Variants in CHN1 observed in about 807,000 individuals in gnomAD.
CHN1 encodes N-chimaerin.
Under a neutral mutation model 59.5 loss-of-function variants are expected in CHN1, and 37 were observed. That is an observed-to-expected ratio of 0.62 (90% CI 0.48 to 0.82). CHN1 has a LOEUF of 0.82. CHN1 is among the 40% of genes least tolerant of loss of function. The pLI is 0.00. For synonymous variants in CHN1, 206 were observed against 200.4 expected (o/e 1.03, Z -0.24); for missense variants, 469 against 571.0 (o/e 0.82, Z 1.82).
intron 8 of CHN1, among the ~76,000 whole-genome samples, chr2:174,821,561 G>A (rs1427483853): frequency 1.3e-5 from 2 of 152,164 alleles, no homozygotes; most frequent in South Asian, 2.1e-4. Context: ...TTATGAGGGC[G>A]CCTCCCCTGT....
chr2:174,885,017 G>A (rs1174827696), intron 5 of CHN1, among the ~76,000 whole-genome samples: 2 of 152,020 alleles, frequency 1.3e-5, no homozygotes, highest in African/African-American at 4.8e-5. Context: ...GCCGGGCGCG[G>A]TGGCTCATGC....
intron 1 of CHN1, among the ~76,000 whole-genome samples, chr2:174,993,315 CT>C (rs1691608381): frequency 7.2e-6 from 1 of 138,250 alleles, no homozygotes; most frequent in African/African-American, 2.8e-5. Context: ...TCTCTCTCCC[CT>C]ATCACAATAG....
At chr2:174,917,227 G>A (rs777918215) in intron 4 of CHN1, among the ~76,000 whole-genome samples, 108 of 152,296 alleles carry the variant, frequency 7.1e-4, no homozygotes, top group Non-Finnish European at 1.3e-3. Context: ...GAGGTCAAGA[G>A]TTCAAGACCA....
chr2:174,889,904 C>T (rs1022608627), intron 5 of CHN1, among the ~76,000 whole-genome samples: 9 of 150,630 alleles, frequency 6.0e-5, no homozygotes, highest in Middle Eastern at 3.4e-3. Flanking sequence ...TGTGTGTGCA[C>T]GCGTGTGTGT....
intron 10 of CHN1, among the ~76,000 whole-genome samples, chr2:174,809,387 A>T (rs1020406592): frequency 1.3e-5 from 2 of 152,192 alleles, no homozygotes; most frequent in Non-Finnish European, 2.9e-5. Context: ...GTTAACCATC[A>T]TATCTAAAGT....
At chr2:174,841,766 A>G (rs958208859) in intron 7 of CHN1, among the ~76,000 whole-genome samples, 2 of 151,992 alleles carry the variant, frequency 1.3e-5, no homozygotes, top group African/African-American at 4.8e-5. Flanking sequence ...TATGTTGGAC[A>G]CTCCTTGTTC....
chr2:174,953,687 C>CA (rs1244982674), intron 1 of CHN1, among the ~76,000 whole-genome samples: 4 of 151,772 alleles, frequency 2.6e-5, no homozygotes, highest in African/African-American at 4.8e-5. Flanking sequence ...AAAAAACAAA[C>CA]AAAAAACAAA....
At position 174,808,904 on chromosome 2, in the gene CHN1, C is replaced by G. The variant is rs1363650414; in HGVS notation, c.1102+1G>C. On this transcript the variant is annotated splice_donor_variant, in intron 11 of 12. Coordinates refer to ENST00000409900, the MANE Select transcript of CHN1 (RefSeq NM_001822.7). LOFTEE classifies it high-confidence loss of function. ...TTTGAAATACATGCATTCATACTTA[C>G]TGGCAGATTCTATAAACTTAGGGTA... 6.2e-7 allele frequency: 1 copy of G among 1,613,604 alleles called. No homozygotes were observed. The highest frequency in any genetic ancestry group is 1.7e-5 in the Admixed American group (1 of 60,012).
At chr2:174,896,582 CATG>C (rs563898110) in intron 5 of CHN1, among the ~76,000 whole-genome samples, 17 of 152,226 alleles carry the variant, frequency 1.1e-4, no homozygotes, top group African/African-American at 4.1e-4. Flanking sequence ...TGCTGAAAAT[CATG>C]ATGTCAGTCC....
At chr2:174,956,771 CAA>C (rs34248216) in intron 1 of CHN1, among the ~76,000 whole-genome samples, 92 of 104,568 alleles carry the variant, frequency 8.8e-4, no homozygotes, top group Admixed American at 9.9e-4. Context: ...GACTCCATCT[CAA>C]AAAAAAAAAA....
intron 5 of CHN1, among the ~76,000 whole-genome samples, chr2:174,896,887 T>C (rs1385178570): frequency 6.6e-6 from 1 of 152,154 alleles, no homozygotes; most frequent in African/African-American, 2.4e-5. Context: ...ATAATATACA[T>C]CTATTATCTA....
chr2:174,966,249 T>G (rs545625989), intron 1 of CHN1, among the ~76,000 whole-genome samples: 2 of 152,260 alleles, frequency 1.3e-5, no homozygotes, highest in African/African-American at 4.8e-5. Context: ...GATTCAACTC[T>G]GATGGAAATA....
At chr2:174,946,981 G>A (rs1029873843) in intron 2 of CHN1, among the ~76,000 whole-genome samples, 16 of 148,068 alleles carry the variant, frequency 1.1e-4, no homozygotes, top group African/African-American at 3.2e-4. Context: ...TTTAGTTCAC[G>A]TTTCTACTTT....
chr2:174,854,399 A>C (rs1558953665), intron 6 of CHN1, among the ~76,000 whole-genome samples: 1 of 152,112 alleles, frequency 6.6e-6, no homozygotes, highest in Non-Finnish European at 1.5e-5. Flanking sequence ...CTTGAATAGG[A>C]ACACATTCAC....
chr2:174,902,387 T>C (rs1025816755), intron 5 of CHN1, among the ~76,000 whole-genome samples: 3 of 152,128 alleles, frequency 2.0e-5, no homozygotes, highest in African/African-American at 7.2e-5. Flanking sequence ...TATATCAATG[T>C]TTTTAAAAAG....
chr2:174,889,904 C>CG (rs1048781765), intron 5 of CHN1, among the ~76,000 whole-genome samples: 1 of 150,512 alleles, frequency 6.6e-6, no homozygotes, highest in African/African-American at 2.4e-5. Context: ...TGTGTGTGCA[C>CG]GCGTGTGTGT....
intron 3 of CHN1, among the ~76,000 whole-genome samples, chr2:174,936,873 C>T (rs1038234253): frequency 3.3e-5 from 5 of 152,032 alleles, no homozygotes; most frequent in Middle Eastern, 3.2e-3. Context: ...TTTTTAAAGC[C>T]TGCCTAAAAT....
rs549604672 is a variant in CHN1, at chr2:174,807,830, C to T, written c.1102+1075G>A. 3.0e-4 allele frequency among the ~76,000 whole-genome samples: 45 copies of T among 152,064 alleles called. 1 individual carries two copies. In the South Asian group the frequency reaches 8.9e-3, roughly 30 times the overall value. On this transcript the variant is annotated intron_variant, in intron 11 of 12. Transcript: ENST00000409900. The stretch of plus-strand genomic sequence containing the variant: ...GAAAGATTGTACTTCATGAAATTCC[C>T]AAGTCAAAAAGCAAATTAGTGTTAC...
rs182507552 is a variant in CHN1 at position 174,940,306 on chromosome 2, C to T, written c.114+4582G>A. 9.9e-5 allele frequency among the ~76,000 whole-genome samples: 15 copies of T among 152,226 alleles called. No individual in the cohort carries two copies. The East Asian group carries it at 2.9e-3, about 29-fold the overall frequency. Reference sequence around the variant, plus strand: ...CCTCCCAAAGTGCCGAGATTATAGGCGTGAGCCGCCACGCCCAGCCGAGAG... The same window carrying T: ...CCTCCCAAAGTGCCGAGATTATAGGTGTGAGCCGCCACGCCCAGCCGAGAG... On this transcript the variant is annotated intron_variant, in intron 3 of 12. Coordinates refer to ENST00000409900, the MANE Select transcript of CHN1 (RefSeq NM_001822.7).
Sources: gnomAD v4.1 joint callset for allele counts (sites outside exome capture counted in the v4.1 genomes callset) on GRCh38, gnomAD v4.1.1 for gene constraint, MANE v1.5 for transcripts, NCBI Gene and HGNC (gene_info 2026-07-23, HGNC 2026-07-21) for gene names.